CDK14: variants seen among roughly 807,000 people sequenced by gnomAD.
CDK14 encodes cyclin dependent kinase 14.
In CDK14, 34 loss-of-function variants were observed where a neutral mutation model predicts 60.7. The ratio of observed to expected loss-of-function variants is 0.56; its 90% CI spans 0.43 to 0.75. The LOEUF is 0.75. CDK14 is among the 30% of genes least tolerant of loss of function. The pLI, the probability that CDK14 is intolerant of heterozygous loss-of-function variation, is 0.00. For synonymous variants in CDK14, 197 were observed against 203.7 expected, an observed-to-expected ratio of 0.97 and a Z score of 0.28; for missense variants, 482 against 564.1, an observed-to-expected ratio of 0.85 and a Z score of 1.47.
At position 91,118,128 on chromosome 7, in the gene CDK14, C is replaced by T. The variant is rs748346862; in HGVS notation, c.1358C>T (p.Ala453Val). ...LQPEAGESMR[A>V]FGKNNSYGKS... ...CCAGAAGCTGGAGAAAGCATGCGGGCCTTTGGGAAAAACAATAGTTATGGC... is the reference window on the plus strand; with the variant it reads ...CCAGAAGCTGGAGAAAGCATGCGGGTCTTTGGGAAAAACAATAGTTATGGC... Residue 453 changes from alanine to valine, a missense_variant, in exon 14 of 15, where the codon GCC (alanine) becomes GTC (valine). Ala to Val is a moderately conservative substitution (Grantham distance 64, BLOSUM62 0). Transcript: ENST00000380050. 6.2e-7 allele frequency: 1 copy of T among 1,613,512 alleles called. No homozygotes were observed. The highest frequency in any genetic ancestry group is 1.3e-5 in the African/African-American group (1 of 74,896).
chr7:90,892,923 C>T (rs1210825362), intron 6 of CDK14, among the ~76,000 whole-genome samples: 4 of 152,150 alleles, frequency 2.6e-5, no homozygotes, highest in South Asian at 2.1e-4. Context: ...GGACTACAGG[C>T]GTGCACCACC....
chr7:90,903,331 TGATA>T (rs1792580828), intron 7 of CDK14, among the ~76,000 whole-genome samples: 2 of 152,038 alleles, frequency 1.3e-5, no homozygotes, highest in Admixed American at 6.6e-5. Flanking sequence ...ATCAACAAAT[TGATA>T]GATAAAGAAA....
chr7:91,024,143 TG>T (rs1796507676), intron 10 of CDK14, among the ~76,000 whole-genome samples: 1 of 151,880 alleles, frequency 6.6e-6, no homozygotes, highest in South Asian at 2.1e-4. Flanking sequence ...ATGATGATGA[TG>T]ATGATGATAA....
chr7:90,700,908 G>T (rs1440774149), intron 2 of CDK14, among the ~76,000 whole-genome samples: 1 of 152,104 alleles, frequency 6.6e-6, no homozygotes, highest in Non-Finnish European at 1.5e-5. Context: ...ACCTCCTGTA[G>T]TGATTAATAC....
At chr7:91,065,843 G>A (rs931607454) in intron 11 of CDK14, among the ~76,000 whole-genome samples, 1 of 152,180 alleles carries the variant, frequency 6.6e-6, no homozygotes, top group Non-Finnish European at 1.5e-5. Flanking sequence ...GTGCCTTCTA[G>A]CCAAAAGGAT....
intron 2 of CDK14, among the ~76,000 whole-genome samples, chr7:90,639,390 C>A (rs1584760233): frequency 3.3e-5 from 5 of 152,042 alleles, no homozygotes; most frequent in Admixed American, 3.3e-4. Context: ...TGCTAGAGGT[C>A]CACTCCAGAC....
At chr7:91,075,726 A>G (rs1253576135) in intron 11 of CDK14, among the ~76,000 whole-genome samples, 2 of 152,162 alleles carry the variant, frequency 1.3e-5, no homozygotes, top group Non-Finnish European at 2.9e-5. Context: ...ACCCTATTGT[A>G]TCAGCCCAAA....
intron 2 of CDK14, among the ~76,000 whole-genome samples, chr7:90,641,494 A>G (rs1303643214): frequency 1.3e-5 from 2 of 152,352 alleles, no homozygotes; most frequent in East Asian, 3.9e-4. Flanking sequence ...CTTTGATAAC[A>G]TTATGTTAAG....
At chr7:90,914,304 A>G (rs538927046) in intron 7 of CDK14, among the ~76,000 whole-genome samples, 6 of 152,246 alleles carry the variant, frequency 3.9e-5, no homozygotes, top group Non-Finnish European at 5.9e-5. Context: ...CAATTCTTCT[A>G]CTTTTTAAAA....
intron 2 of CDK14, among the ~76,000 whole-genome samples, chr7:90,633,056 A>G (rs1045817015): frequency 6.6e-6 from 1 of 151,096 alleles, no homozygotes; most frequent in Non-Finnish European, 1.5e-5. Flanking sequence ...AGACTGTGCT[A>G]CTACGCTCCA....
At chr7:91,079,526 A>G (rs1798423477) in intron 12 of CDK14, 46 bp downstream of exon 12, 1 of 1,299,294 alleles carries the variant, frequency 7.7e-7, no homozygotes, top group Non-Finnish European at 1.1e-6. Flanking sequence ...TTTCTCTTTT[A>G]ATATTTACAA....
At chr7:90,895,761 A>C (rs1211748140) in intron 6 of CDK14, among the ~76,000 whole-genome samples, 1 of 131,746 alleles carries the variant, frequency 7.6e-6, no homozygotes, top group Admixed American at 8.0e-5. Context: ...TTTTTAGTAG[A>C]GATGGGGTTT....
chr7:90,836,909 G>T (rs1320924643), intron 5 of CDK14, among the ~76,000 whole-genome samples: 2 of 152,182 alleles, frequency 1.3e-5, no homozygotes, highest in African/African-American at 4.8e-5. Context: ...ATGTCATTAT[G>T]CAGCATGTAA....
At chr7:90,852,916 C>T (rs1005705949) in intron 5 of CDK14, among the ~76,000 whole-genome samples, 1 of 152,136 alleles carries the variant, frequency 6.6e-6, no homozygotes, top group Non-Finnish European at 1.5e-5. Context: ...TGTGGGCCTT[C>T]CAATGAACTG....
intron 2 of CDK14, among the ~76,000 whole-genome samples, chr7:90,618,446 A>G (rs1483446643): frequency 5.9e-5 from 9 of 151,934 alleles, no homozygotes; most frequent in African/African-American, 7.3e-5. Context: ...TTCTGAAAAC[A>G]CCTTGCTTTT....
At chr7:91,173,823 C>T (rs1375323968) in intron 14 of CDK14, among the ~76,000 whole-genome samples, 7 of 152,324 alleles carry the variant, frequency 4.6e-5, no homozygotes. Context: ...CGGAGTCTCG[C>T]TGATTGCTAG....
intron 11 of CDK14, among the ~76,000 whole-genome samples, chr7:91,047,141 G>A (rs1393266972): frequency 6.6e-6 from 1 of 152,112 alleles, no homozygotes; most frequent in Non-Finnish European, 1.5e-5. Flanking sequence ...TGTTCTTAAT[G>A]GAGTGAAGAA....
intron 2 of CDK14, among the ~76,000 whole-genome samples, chr7:90,642,607 T>C (rs1800365346): frequency 6.6e-6 from 1 of 152,198 alleles, no homozygotes; most frequent in African/African-American, 2.4e-5. Context: ...ATCAAACTCC[T>C]GGCCTCAAGT....
intron 6 of CDK14, among the ~76,000 whole-genome samples, chr7:90,866,614 T>C (rs1292040068): frequency 6.6e-6 from 1 of 152,214 alleles, no homozygotes; most frequent in African/African-American, 2.4e-5. Flanking sequence ...AATTCAAGTT[T>C]TACCAAGTGA....
Sources: gnomAD v4.1 joint callset for allele counts (sites outside exome capture counted in the v4.1 genomes callset) on GRCh38, gnomAD v4.1.1 for gene constraint, MANE v1.5 for transcripts, NCBI Gene and HGNC (gene_info 2026-07-23, HGNC 2026-07-21) for gene names.